ANK2: variants seen among roughly 807,000 people sequenced by gnomAD.
The protein encoded by ANK2 is ankyrin-2.
ANK2 carries 83 observed loss-of-function variants against 360.5 expected under a neutral mutation model. The observed-to-expected ratio is 0.23, with a 90% CI of 0.19 to 0.28. ANK2 has a LOEUF of 0.28. Among genes scored for constraint, ANK2 ranks in the 10% least tolerant of loss-of-function variants. ANK2 has a pLI of 1.00. For missense variants in ANK2, 4,201 were observed against 4,795.7 expected (o/e 0.88, Z 3.66); for synonymous variants, 1,740 against 1,759.5 (o/e 0.99, Z 0.28).
chr4:112,811,851 C>T, the ANK2 span, among the ~76,000 whole-genome samples: 2 of 151,968 alleles, frequency 1.3e-5, no homozygotes, highest in African/African-American at 4.8e-5. Flanking sequence ...CCGAGACGGG[C>T]GATCACGAGG....
chr4:112,970,465 CT>C (rs975170364), intron 2 of ANK2, among the ~76,000 whole-genome samples: 31 of 152,146 alleles, frequency 2.0e-4, no homozygotes, highest in African/African-American at 7.2e-4. Flanking sequence ...AGCAATTCTC[CT>C]GCCTCAGCCT....
intron 2 of ANK2, among the ~76,000 whole-genome samples, chr4:112,942,310 GT>G (rs1011607370): frequency 2.0e-5 from 3 of 152,000 alleles, no homozygotes; most frequent in African/African-American, 7.2e-5. Context: ...CCTGATTTTT[GT>G]TTCCTTGTGC....
chr4:113,213,668 T>C (rs1169704321), intron 4 of ANK2, among the ~76,000 whole-genome samples: 3 of 152,200 alleles, frequency 2.0e-5, no homozygotes, highest in Non-Finnish European at 2.9e-5. Flanking sequence ...ATATTCCTAG[T>C]TGGCTAGTTT....
the ANK2 span, among the ~76,000 whole-genome samples, chr4:112,729,197 AAAAC>A: frequency 0.27 from 40,288 of 151,520 alleles, 5,748 homozygotes; most frequent in East Asian, 0.35. Flanking sequence ...GATCTCTCTC[AAAAC>A]AAACAAACAA....
intron 1 of ANK2, among the ~76,000 whole-genome samples, chr4:113,055,518 G>A (rs1289931030): frequency 6.6e-6 from 1 of 152,212 alleles, no homozygotes; most frequent in Non-Finnish European, 1.5e-5. Context: ...TTGATTAGAT[G>A]TGTTAGTTTA....
intron 23 of ANK2, among the ~76,000 whole-genome samples, chr4:113,308,691 T>C (rs1019070730): frequency 1.3e-5 from 2 of 152,198 alleles, no homozygotes; most frequent in Admixed American, 1.3e-4. Flanking sequence ...ATAAGTTTGA[T>C]TGTTAACAAA....
chr4:112,873,676 A>G (rs913319099), intron 1 of ANK2, among the ~76,000 whole-genome samples: 2 of 149,584 alleles, frequency 1.3e-5, no homozygotes, highest in Non-Finnish European at 3.0e-5. Context: ...AGCTGGGACT[A>G]CAGGCACCCG....
chr4:113,199,181 G>A, intron 4 of ANK2, 72 bp downstream of exon 4: 4 of 1,210,664 alleles, frequency 3.3e-6, no homozygotes, highest in Non-Finnish European at 4.9e-6. Flanking sequence ...GATTTAATGT[G>A]TTTAGCTAGC....
intron 1 of ANK2, among the ~76,000 whole-genome samples, chr4:113,076,787 C>T (rs992054737): frequency 7.2e-6 from 1 of 138,728 alleles, no homozygotes; most frequent in African/African-American, 2.7e-5. Flanking sequence ...CAGAGTAAGA[C>T]CCTGTCTCAA....
chr4:112,829,869 G>A lies in ANK2; in HGVS notation c.-40+11605G>A, dbSNP rs190034973. Among the ~76,000 whole-genome samples the A allele has an allele frequency of 1.0e-3, 153 of 152,266 alleles. 2 individuals are homozygous for A. In the East Asian group the frequency reaches 0.023, roughly 23 times the overall value. ...AGCTACTTGGGAGGCTGAGGCGGGA[G>A]AATGGCGTGAACCCGGGTGGTGGAG... On this transcript the variant is annotated intron_variant, in intron 1 of 30. Transcript: ENST00000503271.
chr4:112,909,206 T>C (rs939308784), intron 2 of ANK2, among the ~76,000 whole-genome samples: 2 of 152,250 alleles, frequency 1.3e-5, no homozygotes, highest in Non-Finnish European at 2.9e-5. Flanking sequence ...TCTACTTGTG[T>C]AAACTAGGTG....
At chr4:113,196,333 T>C (rs752693770) in intron 2 of ANK2, 35 bp from the exon 3 acceptor site, 2 of 1,554,696 alleles carry the variant, frequency 1.3e-6, no homozygotes, top group Non-Finnish European at 1.8e-6. Context: ...CCTCATTACT[T>C]CACTTCTTAA....
chr4:113,338,742 G>C (rs1980334), intron 31 of ANK2, among the ~76,000 whole-genome samples: 18 of 151,176 alleles, frequency 1.2e-4, no homozygotes, highest in African/African-American at 4.4e-4. Context: ...GTAGAGATGG[G>C]GTTTCACCGT....
intron 1 of ANK2, among the ~76,000 whole-genome samples, chr4:113,144,576 C>T (rs1384660266): frequency 6.6e-6 from 1 of 151,500 alleles, no homozygotes; most frequent in Non-Finnish European, 1.5e-5. Flanking sequence ...TTTTTTTAGA[C>T]ATTTAATATT....
chr4:113,067,354 C>A (rs962647695), intron 1 of ANK2, among the ~76,000 whole-genome samples: 4 of 152,044 alleles, frequency 2.6e-5, no homozygotes, highest in Admixed American at 6.6e-5. Flanking sequence ...AAGATGGCCC[C>A]TTGGTGTGTA....
chr4:112,843,627 AAAT>A (rs2062650032), intron 1 of ANK2, among the ~76,000 whole-genome samples: 1 of 152,216 alleles, frequency 6.6e-6, no homozygotes, highest in Non-Finnish European at 1.5e-5. Context: ...ACTTGGGAAA[AAAT>A]GCAATTTTTC....
chr4:113,339,590 C>G (rs2094009800), intron 32 of ANK2, among the ~76,000 whole-genome samples: 1 of 152,226 alleles, frequency 6.6e-6, no homozygotes, highest in Non-Finnish European at 1.5e-5. Context: ...TAGTCAGTAG[C>G]AGCTGCTGCT....
intron 27 of ANK2, among the ~76,000 whole-genome samples, chr4:113,331,579 C>CAGAT (rs763849830): frequency 2.0e-5 from 3 of 152,192 alleles, no homozygotes; most frequent in Non-Finnish European, 4.4e-5. Context: ...CCCTCGTGCT[C>CAGAT]AGATAGTTTA....
At chr4:113,322,674 G>T (rs1232292014) in intron 26 of ANK2, among the ~76,000 whole-genome samples, 1 of 152,118 alleles carries the variant, frequency 6.6e-6, no homozygotes, top group Non-Finnish European at 1.5e-5. Flanking sequence ...GGTCTGTAAG[G>T]TTGTCTTTTA....
Sources: allele counts gnomAD v4.1 joint callset (sites outside exome capture counted in the v4.1 genomes callset), GRCh38; gene constraint gnomAD v4.1.1; transcripts MANE v1.5; gene names NCBI Gene and HGNC (gene_info 2026-07-23, HGNC 2026-07-21).